Variants in MRTFB observed in about 807,000 individuals in gnomAD.
MRTFB encodes the protein myocardin related transcription factor B.
A neutral mutation model predicts 104.2 loss-of-function variants in MRTFB; 29 were observed. The ratio of observed to expected loss-of-function variants is 0.28; its 90% CI spans 0.21 to 0.38. The LOEUF is 0.38. Among genes scored for constraint, MRTFB ranks in the 10% least tolerant of loss-of-function variants. The pLI is 1.00. For synonymous variants in MRTFB, 535 were observed against 519.5 expected, an observed-to-expected ratio of 1.03 and a Z score of -0.41; for missense variants, 1,270 against 1,341.6, an observed-to-expected ratio of 0.95 and a Z score of 0.83.
chr16:14,071,723 G>C (rs1223997768), intron 1 of MRTFB, among the ~76,000 whole-genome samples: 1 of 152,130 alleles, frequency 6.6e-6, no homozygotes, highest in African/African-American at 2.4e-5. Context: ...TGCACGCCGG[G>C]GCTGCACAGA....
At chr16:14,243,200 A>G (rs183126282) in intron 10 of MRTFB, among the ~76,000 whole-genome samples, 12 of 152,350 alleles carry the variant, frequency 7.9e-5, no homozygotes, top group African/African-American at 2.9e-4. Flanking sequence ...AATATTTGCC[A>G]CTTCATCCAA....
chr16:14,100,901 G>A (rs1290678975), intron 2 of MRTFB, among the ~76,000 whole-genome samples: 2 of 152,032 alleles, frequency 1.3e-5, no homozygotes, highest in African/African-American at 2.4e-5. Context: ...CTATGATGAC[G>A]TTGCCTCTCT....
chr16:14,208,543 C>T (rs1321422186), intron 3 of MRTFB, among the ~76,000 whole-genome samples: 1 of 152,182 alleles, frequency 6.6e-6, no homozygotes, highest in African/African-American at 2.4e-5. Flanking sequence ...CACCATGTTC[C>T]AGAAGTATCA....
rs748033619 is a variant in MRTFB at position 14,246,778 on chromosome 16, A to C, written c.1518A>C (p.Ser506=). 6 of 1,613,796 alleles carry C rather than the reference A, an allele frequency of 3.7e-6. No homozygotes were observed. The South Asian group carries it at 6.6e-5, about 18-fold the overall frequency. ...ATGTTCATTCCCCTCTGCCCATTTCACCATCTCCCTCCGAACAGTCCAGTC... is the reference window on the plus strand; with the variant it reads ...ATGTTCATTCCCCTCTGCCCATTTCCCCATCTCCCTCCGAACAGTCCAGTC... ...VENVHSPLPI[S]PSPSEQSSLS... The change falls in exon 12 of 17, where the codon TCA becomes TCC. Residue 506 remains serine (S), a synonymous_variant. Transcript: ENST00000571589.
chr16:14,081,805 CT>C, intron 2 of MRTFB, among the ~76,000 whole-genome samples: 1 of 147,192 alleles, frequency 6.8e-6, no homozygotes, highest in Middle Eastern at 4.2e-3. Context: ...TGGTCTCAGA[CT>C]CTGGGCTCAA....
intron 7 of MRTFB, among the ~76,000 whole-genome samples, chr16:14,218,099 T>G (rs751649812): frequency 6.6e-6 from 1 of 152,110 alleles, no homozygotes. Context: ...TGGCTCTGTC[T>G]CCCAGGCTGG....
chr16:14,036,284 TTTTATATATATTTATATATATATATA>T, the MRTFB span, among the ~76,000 whole-genome samples: 1 of 72,356 alleles, frequency 1.4e-5, no homozygotes, highest in Non-Finnish European at 2.7e-5. Flanking sequence ...TTTATATGTA[TTTTATATATATTTATATATATATATA>T]TATATATATA....
chr16:14,040,650 A>G, the MRTFB span, among the ~76,000 whole-genome samples: 4 of 152,040 alleles, frequency 2.6e-5, no homozygotes, highest in African/African-American at 9.7e-5. Flanking sequence ...TTTAGTACAG[A>G]TGGGGTTTCA....
intron 7 of MRTFB, among the ~76,000 whole-genome samples, chr16:14,217,514 A>T (rs184378954): frequency 3.3e-5 from 5 of 152,318 alleles, no homozygotes; most frequent in African/African-American, 9.6e-5. Context: ...AATTCTTAAC[A>T]TTCTGATTTC....
chr16:14,081,159 T>C lies in MRTFB; in HGVS notation c.-64+1805T>C, dbSNP rs76349422. Among the ~76,000 whole-genome samples the C allele has an allele frequency of 9.5e-3, 1,447 of 152,328 alleles. 26 individuals carry two copies. Among genetic ancestry groups the C allele is most frequent in the African/African-American group, 0.033 (1,376 of 41,572 alleles). ...CTTTGTCTCTACATTTTTGCCAGCA[T>C]TTGTTACCTTTTATCTTTTTGATAG... is the stretch of plus-strand genomic sequence containing the variant. On this transcript the variant is annotated intron_variant, in intron 2 of 16. Transcript: ENST00000571589.
At chr16:14,156,252 G>A (rs1371547178) in intron 3 of MRTFB, among the ~76,000 whole-genome samples, 1 of 152,178 alleles carries the variant, frequency 6.6e-6, no homozygotes, top group Non-Finnish European at 1.5e-5. Flanking sequence ...GGAAAACGAG[G>A]GTCTGGAATT....
At chr16:14,256,746 A>G (rs1597392304) in intron 15 of MRTFB, among the ~76,000 whole-genome samples, 1 of 152,354 alleles carries the variant, frequency 6.6e-6, no homozygotes, top group African/African-American at 2.4e-5. Flanking sequence ...TTCCTGACCC[A>G]CAAAACTGTG....
the MRTFB span, among the ~76,000 whole-genome samples, chr16:14,008,178 C>A: frequency 4.5e-4 from 69 of 152,138 alleles, 1 homozygote; most frequent in African/African-American, 1.6e-3. Flanking sequence ...CCAGCCTGGG[C>A]AACATAACAA....
intron 13 of MRTFB, 82 bp from the exon 14 acceptor site, chr16:14,251,780 C>A: frequency 1.3e-6 from 2 of 1,497,536 alleles, no homozygotes; most frequent in Non-Finnish European, 1.8e-6. Flanking sequence ...GTTTGCTGAC[C>A]CCTGTCCTAA....
At chr16:14,221,566 G>A (rs2041707018) in intron 8 of MRTFB, among the ~76,000 whole-genome samples, 1 of 152,142 alleles carries the variant, frequency 6.6e-6, no homozygotes, top group South Asian at 2.1e-4. Context: ...ACAAAGACGA[G>A]CTATGACACA....
chr16:14,001,920 A>G, the MRTFB span, among the ~76,000 whole-genome samples: 1 of 152,228 alleles, frequency 6.6e-6, no homozygotes, highest in African/African-American at 2.4e-5. Context: ...CAACTCAATT[A>G]TTACTGATTC....
intron 2 of MRTFB, among the ~76,000 whole-genome samples, chr16:14,107,358 T>A (rs1299321106): frequency 6.6e-6 from 1 of 152,190 alleles, no homozygotes; most frequent in Non-Finnish European, 1.5e-5. Context: ...TCTCTCCCAT[T>A]CACGCCTAGA....
At chr16:14,110,741 A>T (rs1295980764) in intron 2 of MRTFB, among the ~76,000 whole-genome samples, 1 of 152,074 alleles carries the variant, frequency 6.6e-6, no homozygotes, top group Non-Finnish European at 1.5e-5. Context: ...TCGCTGCTCC[A>T]CGTGAGACCA....
chr16:14,240,489 G>T lies in MRTFB; in HGVS notation c.1079+5G>T. On this transcript the variant is annotated splice_donor_5th_base_variant and intron_variant, in intron 10 of 16. Coordinates refer to ENST00000571589, the MANE Select transcript of MRTFB (RefSeq NM_001308142.2). ...CATCCTGCCTGCACCATTCAAGTACGGCGGGGCCCATGCTATCCTCAACGC... is the reference window on the plus strand; with the variant it reads ...CATCCTGCCTGCACCATTCAAGTACTGCGGGGCCCATGCTATCCTCAACGC... 1.2e-6 allele frequency: 2 copies of T among 1,614,196 alleles called. No homozygotes were observed. The highest frequency in any genetic ancestry group is 1.7e-6 in the Non-Finnish European group (2 of 1,180,034).
Sources: gnomAD v4.1 joint callset for allele counts (sites outside exome capture counted in the v4.1 genomes callset) on GRCh38, gnomAD v4.1.1 for gene constraint, MANE v1.5 for transcripts, NCBI Gene and HGNC (gene_info 2026-07-23, HGNC 2026-07-21) for gene names.